The following CHRM3 variants were observed in gnomAD, a reference collection of about 807,000 sequenced individuals.
CHRM3 encodes the protein cholinergic receptor muscarinic 3, also known as muscarinic acetylcholine receptor M3.
CHRM3 carries 11 observed loss-of-function variants against 41.8 expected under a neutral mutation model. The ratio of observed to expected loss-of-function variants is 0.26; its 90% CI spans 0.17 to 0.44. The LOEUF is 0.44. CHRM3 is among the 20% of genes least tolerant of loss of function. The probability of loss-of-function intolerance (pLI) is 1.00; values close to 1 mark genes in which losing one functional copy is unlikely to be tolerated. For missense variants in CHRM3, 571 were observed against 745.4 expected (o/e 0.77, Z 2.72); for synonymous variants, 297 against 301.4 (o/e 0.99, Z 0.15).
intron 3 of CHRM3, among the ~76,000 whole-genome samples, chr1:239,549,483 C>T (rs1248982522): frequency 4.4e-5 from 6 of 134,940 alleles, no homozygotes; most frequent in Admixed American, 7.8e-5. Context: ...AAACCCATCT[C>T]TACTAAAAAT....
chr1:239,764,085 C>CAAA (rs36088810), intron 5 of CHRM3, among the ~76,000 whole-genome samples: 1 of 115,722 alleles, frequency 8.6e-6, no homozygotes, highest in Non-Finnish European at 1.9e-5. Flanking sequence ...ATCCTATCTC[C>CAAA]AAAAAAAAAA....
At chr1:239,603,685 C>A (rs1665889625) in intron 3 of CHRM3, among the ~76,000 whole-genome samples, 1 of 151,972 alleles carries the variant, frequency 6.6e-6, no homozygotes, top group South Asian at 2.1e-4. Flanking sequence ...TGAAAACTAA[C>A]CTTATATGAT....
chr1:239,859,434 T>G (rs1405653185), intron 6 of CHRM3, among the ~76,000 whole-genome samples: 1 of 150,184 alleles, frequency 6.7e-6, no homozygotes, highest in African/African-American at 2.4e-5. Flanking sequence ...TTTTTTTTGT[T>G]TTTTTTTTTG....
chr1:239,834,150 A>T (rs762106795), intron 6 of CHRM3, among the ~76,000 whole-genome samples: 8 of 100,124 alleles, frequency 8.0e-5, no homozygotes, highest in Non-Finnish European at 1.4e-4. Context: ...ATTCCACATC[A>T]CACACACACA....
chr1:239,465,514 G>C (rs752314044), intron 1 of CHRM3, among the ~76,000 whole-genome samples: 6 of 152,120 alleles, frequency 3.9e-5, no homozygotes, highest in Non-Finnish European at 8.8e-5. Flanking sequence ...AGAAAGATTG[G>C]ATGTGGTGTT....
At chr1:239,495,386 C>T (rs1667813801) in intron 2 of CHRM3, among the ~76,000 whole-genome samples, 1 of 152,192 alleles carries the variant, frequency 6.6e-6, no homozygotes, top group African/African-American at 2.4e-5. Context: ...TCTATCTTCC[C>T]TCTAATTAGC....
intron 5 of CHRM3, among the ~76,000 whole-genome samples, chr1:239,771,864 T>C (rs1184045637): frequency 6.6e-6 from 1 of 152,192 alleles, no homozygotes; most frequent in Non-Finnish European, 1.5e-5. Context: ...GGTCAATCTG[T>C]ATGTGTGGAC....
chr1:239,674,063 A>G (rs1476783715), intron 4 of CHRM3, among the ~76,000 whole-genome samples: 2 of 152,324 alleles, frequency 1.3e-5, no homozygotes, highest in Admixed American at 1.3e-4. Flanking sequence ...CCAAAATCTG[A>G]AAAAATCAGA....
intron 3 of CHRM3, among the ~76,000 whole-genome samples, chr1:239,608,340 T>C (rs940795062): frequency 3.3e-5 from 5 of 152,244 alleles, no homozygotes; most frequent in Admixed American, 1.3e-4. Flanking sequence ...TCTCCCTCAT[T>C]GTTCAAAGGT....
At position 239,642,070 on chromosome 1, in the gene CHRM3, C is replaced by G. The variant is rs1390974128; in HGVS notation, c.-250+9784C>G. 3.9e-5 allele frequency among the ~76,000 whole-genome samples: 5 copies of G among 127,542 alleles called. 1 individual carries two copies. Among genetic ancestry groups the G allele is most frequent in the Non-Finnish European group, 8.3e-5 (5 of 60,132 alleles). The allele number at this position is 127,542 out of a possible 152,430, so 83.7% of individuals were successfully genotyped here. ...GAAATTCTGGGTTGAAAATTCTTTT[C>G]TTTAAGAATGTTGAATATTGGCCCC... On this transcript the variant is annotated intron_variant, in intron 4 of 6. Transcript: ENST00000676153.
chr1:239,511,176 T>C (rs1284670990), intron 2 of CHRM3, among the ~76,000 whole-genome samples: 1 of 152,202 alleles, frequency 6.6e-6, no homozygotes, highest in Non-Finnish European at 1.5e-5. Context: ...ATCGAATTGA[T>C]TGCATGTCGT....
chr1:239,742,100 T>C (rs1007797661), intron 5 of CHRM3, among the ~76,000 whole-genome samples: 2 of 152,172 alleles, frequency 1.3e-5, no homozygotes, highest in Non-Finnish European at 2.9e-5. Flanking sequence ...ACGTTTTTTT[T>C]TTTCCTTCTC....
chr1:239,416,944 A>G (rs1661546739), intron 1 of CHRM3, among the ~76,000 whole-genome samples: 1 of 152,236 alleles, frequency 6.6e-6, no homozygotes, highest in African/African-American at 2.4e-5. Context: ...TGTCAGTTTC[A>G]TGGACTGAGT....
intron 1 of CHRM3, among the ~76,000 whole-genome samples, chr1:239,420,031 C>T (rs966852287): frequency 2.0e-4 from 31 of 152,310 alleles, no homozygotes; most frequent in Non-Finnish European, 1.2e-4. Flanking sequence ...AATTAGCCCG[C>T]ATAACGATGG....
chr1:239,771,211 C>T lies in CHRM3; in HGVS notation c.-146-56041C>T, dbSNP rs535864536. 3.9e-5 allele frequency among the ~76,000 whole-genome samples: 6 copies of T among 152,192 alleles called. No individual in the cohort carries two copies. The South Asian group carries it at 1.2e-3, about 32-fold the overall frequency. The stretch of plus-strand genomic sequence containing the variant: ...CTTTTAATCTCAGAAGCATGTTAGC[C>T]GCCCTCTCCCTTCTTCATTTCATCC... On this transcript the variant is annotated intron_variant, in intron 5 of 6. Transcript: ENST00000676153.
chr1:239,430,674 GATAT>G (rs10524306), intron 1 of CHRM3, among the ~76,000 whole-genome samples: 22 of 149,758 alleles, frequency 1.5e-4, no homozygotes, highest in Non-Finnish European at 2.7e-4. Flanking sequence ...ACACATACTA[GATAT>G]ATATATATAT....
intron 4 of CHRM3, among the ~76,000 whole-genome samples, chr1:239,643,571 C>T (rs1408679142): frequency 1.3e-5 from 2 of 152,208 alleles, no homozygotes; most frequent in African/African-American, 4.8e-5. Flanking sequence ...ACCCTCCGAG[C>T]CAGGTGCGGG....
chr1:239,637,698 C>G (rs1670627801), intron 4 of CHRM3, among the ~76,000 whole-genome samples: 1 of 145,434 alleles, frequency 6.9e-6, no homozygotes, highest in Non-Finnish European at 1.5e-5. Context: ...CTCCTGTGAG[C>G]TTCACATTTT....
At chr1:239,725,615 T>A (rs1212248642) in intron 5 of CHRM3, among the ~76,000 whole-genome samples, 2 of 151,948 alleles carry the variant, frequency 1.3e-5, no homozygotes, top group Non-Finnish European at 2.9e-5. Context: ...CAGAATACTT[T>A]GTCATCAATC....
Sources: allele counts gnomAD v4.1 joint callset (sites outside exome capture counted in the v4.1 genomes callset), GRCh38; gene constraint gnomAD v4.1.1; transcripts MANE v1.5; gene names NCBI Gene and HGNC (gene_info 2026-07-23, HGNC 2026-07-21).